The following CSRNP3 variants were observed in gnomAD, a reference collection of about 807,000 sequenced individuals.
CSRNP3 encodes the protein cysteine and serine rich nuclear protein 3.
In CSRNP3, 12 loss-of-function variants were observed where a neutral mutation model predicts 48.0. The ratio of observed to expected loss-of-function variants is 0.25; its 90% CI spans 0.16 to 0.41. CSRNP3 has a LOEUF of 0.41. Among genes scored for constraint, CSRNP3 ranks in the 10% least tolerant of loss-of-function variants. CSRNP3 has a pLI of 1.00. For missense variants in CSRNP3, 580 were observed against 724.4 expected (o/e 0.80, Z 2.29); for synonymous variants, 263 against 269.7 (o/e 0.98, Z 0.24).
At chr2:165,591,215 C>A (rs535966605) in intron 3 of CSRNP3, among the ~76,000 whole-genome samples, 28 of 152,266 alleles carry the variant, frequency 1.8e-4, no homozygotes, top group African/African-American at 6.5e-4. Flanking sequence ...TCTTGCTATG[C>A]AAAGAGACTG....
At chr2:165,582,006 C>T (rs1411516959) in intron 3 of CSRNP3, among the ~76,000 whole-genome samples, 1 of 152,170 alleles carries the variant, frequency 6.6e-6, no homozygotes, top group Non-Finnish European at 1.5e-5. Flanking sequence ...GTTTTATAAT[C>T]AAGTTTGAGA....
At chr2:165,512,827 G>A (rs983113107) in intron 2 of CSRNP3, among the ~76,000 whole-genome samples, 10 of 152,198 alleles carry the variant, frequency 6.6e-5, no homozygotes, top group African/African-American at 9.6e-5. Flanking sequence ...AGGGTCAGCC[G>A]GGCATGGCGG....
intron 4 of CSRNP3, among the ~76,000 whole-genome samples, chr2:165,629,927 C>T (rs562196683): frequency 6.6e-6 from 1 of 152,306 alleles, no homozygotes; most frequent in African/African-American, 2.4e-5. Flanking sequence ...GCCATTCCTT[C>T]TCTCAGGTCT....
intron 4 of CSRNP3, among the ~76,000 whole-genome samples, chr2:165,596,807 A>C (rs1282339738): frequency 2.0e-5 from 3 of 152,208 alleles, no homozygotes; most frequent in Non-Finnish European, 4.4e-5. Flanking sequence ...AATACACATG[A>C]AAAAACGTTG....
At chr2:165,554,613 C>A (rs1273817090) in intron 3 of CSRNP3, among the ~76,000 whole-genome samples, 1 of 152,158 alleles carries the variant, frequency 6.6e-6, no homozygotes, top group Non-Finnish European at 1.5e-5. Context: ...AAACATTTAG[C>A]AAATTCTTTT....
chr2:165,671,498 T>C (rs1296051710), intron 5 of CSRNP3, among the ~76,000 whole-genome samples: 1 of 152,158 alleles, frequency 6.6e-6, no homozygotes, highest in Non-Finnish European at 1.5e-5. Flanking sequence ...GAGCTGTAAC[T>C]TCACCCCTTT....
At position 165,657,901 on chromosome 2, in the gene CSRNP3, C is replaced by T. The variant is rs770309060; in HGVS notation, c.289C>T (p.Arg97Cys). 17 of 1,613,930 alleles carry T rather than the reference C, an allele frequency of 1.1e-5. No homozygotes were observed. The highest frequency in any genetic ancestry group is 1.3e-5 in the African/African-American group (1 of 74,884). ...GGGAAGCACCCTGGGGATGTCCAGCCGCCATAACAGCGTGCGCCAGTACAC... is the reference window on the plus strand; with the variant it reads ...GGGAAGCACCCTGGGGATGTCCAGCTGCCATAACAGCGTGCGCCAGTACAC... Reference protein sequence around the residue: ...QGGSTLGMSSRHNSVRQYTLG... With the variant: ...QGGSTLGMSSCHNSVRQYTLG... Residue 97 changes from arginine to cysteine, a missense_variant, in exon 5 of 7, where the codon CGC (arginine) becomes TGC (cysteine). Coordinates refer to ENST00000651982, the MANE Select transcript of CSRNP3 (RefSeq NM_001172173.2).
chr2:165,512,307 C>T (rs1292297456), intron 2 of CSRNP3, among the ~76,000 whole-genome samples: 13 of 152,224 alleles, frequency 8.5e-5, no homozygotes, highest in Admixed American at 8.5e-4. Context: ...GGAAAATCAT[C>T]TACTTCCTTA....
chr2:165,603,203 CTGA>C (rs957605613), intron 4 of CSRNP3, among the ~76,000 whole-genome samples: 1 of 152,192 alleles, frequency 6.6e-6, no homozygotes, highest in African/African-American at 2.4e-5. Flanking sequence ...CCTGAATCTC[CTGA>C]TGTTTCACAA....
At chr2:165,492,106 C>T (rs1026349109) in intron 1 of CSRNP3, among the ~76,000 whole-genome samples, 3 of 152,140 alleles carry the variant, frequency 2.0e-5, no homozygotes, top group Non-Finnish European at 2.9e-5. Flanking sequence ...CTATTGACCT[C>T]TTCAGCCCTG....
chr2:165,666,157 AAAG>A (rs1210909995), intron 5 of CSRNP3, among the ~76,000 whole-genome samples: 2 of 135,990 alleles, frequency 1.5e-5, no homozygotes, highest in African/African-American at 2.6e-5. Flanking sequence ...AGAGAGGAAG[AAAG>A]AGAGAGAGAG....
intron 3 of CSRNP3, among the ~76,000 whole-genome samples, chr2:165,564,559 G>A (rs1344427124): frequency 6.6e-6 from 1 of 151,834 alleles, no homozygotes; most frequent in Non-Finnish European, 1.5e-5. Flanking sequence ...TGTGCATATT[G>A]TTTTATACTA....
chr2:165,582,329 T>C (rs1477430772), intron 3 of CSRNP3, among the ~76,000 whole-genome samples: 1 of 152,250 alleles, frequency 6.6e-6, no homozygotes, highest in African/African-American at 2.4e-5. Flanking sequence ...TGAGGCTATC[T>C]AACCACCTTT....
intron 4 of CSRNP3, among the ~76,000 whole-genome samples, chr2:165,651,327 T>A (rs1686899046): frequency 6.6e-6 from 1 of 152,194 alleles, no homozygotes; most frequent in Non-Finnish European, 1.5e-5. Flanking sequence ...CCATACTATA[T>A]AAACAGATTG....
chr2:165,534,448 T>C (rs1159216270), intron 3 of CSRNP3, among the ~76,000 whole-genome samples: 4 of 151,986 alleles, frequency 2.6e-5, no homozygotes, highest in African/African-American at 9.7e-5. Context: ...ACAATACTTT[T>C]GGAATATGTT....
chr2:165,659,951 C>T (rs1687069303), intron 5 of CSRNP3, among the ~76,000 whole-genome samples: 1 of 152,120 alleles, frequency 6.6e-6, no homozygotes. Flanking sequence ...TAGCTTAGAG[C>T]ATGTCTCTTA....
At chr2:165,520,205 A>G (rs1324861086) in intron 3 of CSRNP3, among the ~76,000 whole-genome samples, 4 of 152,198 alleles carry the variant, frequency 2.6e-5, no homozygotes, top group African/African-American at 7.2e-5. Context: ...ATTTTGTGCA[A>G]TCATTAACAA....
At chr2:165,667,037 A>G (rs1687239059) in intron 5 of CSRNP3, among the ~76,000 whole-genome samples, 7 of 124,544 alleles carry the variant, frequency 5.6e-5, no homozygotes, top group Admixed American at 4.9e-4. Flanking sequence ...AGAGGAAGAA[A>G]GAAAGAGAGA....
intron 3 of CSRNP3, among the ~76,000 whole-genome samples, chr2:165,538,730 C>G (rs1171829998): frequency 6.6e-6 from 1 of 151,792 alleles, no homozygotes; most frequent in East Asian, 1.9e-4. Flanking sequence ...GCCTCCTCCC[C>G]CTCTTAATTA....
Sources: gnomAD v4.1 joint callset for allele counts (sites outside exome capture counted in the v4.1 genomes callset) on GRCh38, gnomAD v4.1.1 for gene constraint, MANE v1.5 for transcripts, NCBI Gene and HGNC (gene_info 2026-07-23, HGNC 2026-07-21) for gene names.